The following DOCK7 variants were observed in gnomAD, a reference collection of about 807,000 sequenced individuals.
The protein encoded by DOCK7 is dedicator of cytokinesis 7.
A neutral mutation model predicts 271.0 loss-of-function variants in DOCK7; 138 were observed. The observed-to-expected ratio is 0.51, with a 90% CI of 0.44 to 0.59. The LOEUF is 0.59. DOCK7 is among the 20% of genes least tolerant of loss of function. The probability of loss-of-function intolerance (pLI) is 0.00; values close to 1 mark genes in which losing one functional copy is unlikely to be tolerated. For synonymous variants in DOCK7, 823 were observed against 876.1 expected (o/e 0.94, Z 1.07); for missense variants, 2,066 against 2,592.4 (o/e 0.80, Z 4.41).
At chr1:62,517,593 C>A (rs1344932693) in intron 31 of DOCK7, among the ~76,000 whole-genome samples, 1 of 152,044 alleles carries the variant, frequency 6.6e-6, no homozygotes, top group Non-Finnish European at 1.5e-5. Flanking sequence ...GAAACTCTGT[C>A]TCAAAAAACA....
intron 29 of DOCK7, among the ~76,000 whole-genome samples, chr1:62,534,406 G>C (rs1270235632): frequency 6.6e-6 from 1 of 152,124 alleles, no homozygotes; most frequent in African/African-American, 2.4e-5. Flanking sequence ...TCGAGGCCAG[G>C]AGTTGGGAGA....
At chr1:62,684,916 CAGAAACA>C (rs1443775487) in intron 1 of DOCK7, among the ~76,000 whole-genome samples, 2 of 152,276 alleles carry the variant, frequency 1.3e-5, no homozygotes, top group South Asian at 4.1e-4. Context: ...ATAACTGCGA[CAGAAACA>C]AGATCATTAT....
At chr1:62,612,401 G>A (rs1651908345) in intron 14 of DOCK7, among the ~76,000 whole-genome samples, 2 of 152,106 alleles carry the variant, frequency 1.3e-5, no homozygotes, top group African/African-American at 4.8e-5. Flanking sequence ...AAGGGAGGGA[G>A]AGCATTAGGA....
intron 1 of DOCK7, among the ~76,000 whole-genome samples, chr1:62,680,918 C>T (rs1661049752): frequency 6.6e-6 from 1 of 152,170 alleles, no homozygotes; most frequent in Non-Finnish European, 1.5e-5. Flanking sequence ...GAAATAGGAA[C>T]ACTTTTACAG....
intron 14 of DOCK7, among the ~76,000 whole-genome samples, chr1:62,596,538 A>G (rs1557774070): frequency 6.6e-6 from 1 of 152,138 alleles, no homozygotes; most frequent in African/African-American, 2.4e-5. Flanking sequence ...TCACGCTTGT[A>G]ATCGGCTGGG....
At chr1:62,595,088 T>G (rs60742233) in intron 14 of DOCK7, among the ~76,000 whole-genome samples, 5,533 of 152,268 alleles carry the variant, frequency 0.036, 243 homozygotes, top group African/African-American at 0.1. Context: ...TACCCTTTTG[T>G]GGTTCTATAT....
At chr1:62,614,275 C>T (rs377395816) in intron 14 of DOCK7, among the ~76,000 whole-genome samples, 6 of 152,028 alleles carry the variant, frequency 3.9e-5, no homozygotes, top group South Asian at 2.1e-4. Context: ...CATCCCTTTT[C>T]GTCATTCCAA....
chr1:62,462,878 G>A (rs998403), intron 48 of DOCK7, among the ~76,000 whole-genome samples: 51,378 of 147,610 alleles, frequency 0.35, 9,246 homozygotes, highest in African/African-American at 0.42. Context: ...GGCACTCACC[G>A]GCTCTTGCAG....
At chr1:62,541,940 T>C (rs1056862653) in intron 25 of DOCK7, among the ~76,000 whole-genome samples, 2 of 152,188 alleles carry the variant, frequency 1.3e-5, no homozygotes, top group African/African-American at 4.8e-5. Flanking sequence ...GTGGTGATCA[T>C]AGCTGACTGC....
chr1:62,636,370 T>G (rs1655274210), intron 8 of DOCK7, among the ~76,000 whole-genome samples, 167 bp downstream of exon 8: 1 of 152,242 alleles, frequency 6.6e-6, no homozygotes, highest in African/African-American at 2.4e-5. Flanking sequence ...TCAATTACAG[T>G]AATTTATAAG....
intron 14 of DOCK7, chr1:62,608,395 T>C (rs1361982424): frequency 6.6e-6 from 1 of 152,104 alleles, no homozygotes; most frequent in Non-Finnish European, 1.5e-5. Flanking sequence ...TGTATTCCAT[T>C]TGTCTAGAAT....
At chr1:62,508,808 G>A (rs1049935661) in intron 34 of DOCK7, among the ~76,000 whole-genome samples, 6 of 152,074 alleles carry the variant, frequency 3.9e-5, no homozygotes, top group Non-Finnish European at 1.5e-5. Flanking sequence ...ACTAATATTT[G>A]TAAAAGTATC....
At chr1:62,652,453 C>T (rs540713988) in intron 4 of DOCK7, among the ~76,000 whole-genome samples, 1 of 152,180 alleles carries the variant, frequency 6.6e-6, no homozygotes, top group East Asian at 1.9e-4. Flanking sequence ...CCTGACTACT[C>T]TATTTTTTGG....
chr1:62,652,324 C>T (rs973655650), intron 4 of DOCK7, among the ~76,000 whole-genome samples: 1 of 152,050 alleles, frequency 6.6e-6, no homozygotes, highest in Non-Finnish European at 1.5e-5. Context: ...TACCTCATAA[C>T]TTCTAGTTCA....
intron 14 of DOCK7, among the ~76,000 whole-genome samples, chr1:62,588,730 T>A (rs993506338): frequency 3.3e-5 from 5 of 152,166 alleles, no homozygotes; most frequent in Admixed American, 1.3e-4. Context: ...ATTATTTTTT[T>A]AATTTTTAAA....
chr1:62,530,015 T>C (rs947733493), intron 29 of DOCK7, among the ~76,000 whole-genome samples: 2 of 152,204 alleles, frequency 1.3e-5, no homozygotes, highest in African/African-American at 4.8e-5. Flanking sequence ...CAGTTTCAAA[T>C]GGGCTAATAC....
chr1:62,671,288 G>A (rs1050955464), intron 1 of DOCK7, among the ~76,000 whole-genome samples: 2 of 152,222 alleles, frequency 1.3e-5, no homozygotes, highest in Non-Finnish European at 2.9e-5. Context: ...CACATACAAA[G>A]TGCTTACCCA....
intron 12 of DOCK7, among the ~76,000 whole-genome samples, chr1:62,621,902 T>C (rs1653291759): frequency 6.6e-6 from 1 of 152,236 alleles, no homozygotes; most frequent in African/African-American, 2.4e-5. Flanking sequence ...GTCTTCATTA[T>C]TTCTATTTCA....
chr1:62,491,605 C>G (rs754953054), intron 41 of DOCK7, among the ~76,000 whole-genome samples: 1 of 152,128 alleles, frequency 6.6e-6, no homozygotes, highest in Non-Finnish European at 1.5e-5. Context: ...AGAGTAAGGC[C>G]CAGGCCTCCA....
Sources: allele counts gnomAD v4.1 joint callset (sites outside exome capture counted in the v4.1 genomes callset), GRCh38; gene constraint gnomAD v4.1.1; transcripts MANE v1.5; gene names NCBI Gene and HGNC (gene_info 2026-07-23, HGNC 2026-07-21).